Variants in SMARCAL1 observed in about 807,000 individuals in gnomAD.
SMARCAL1 encodes ATP-driven annealing helicase.
A neutral mutation model predicts 94.5 loss-of-function variants in SMARCAL1; 58 were observed. That is an observed-to-expected ratio of 0.61 (90% confidence interval 0.50 to 0.76). SMARCAL1 has a LOEUF of 0.76. Ranked by LOEUF, SMARCAL1 falls within the 30% of genes least tolerant of loss-of-function variation. The probability of loss-of-function intolerance (pLI) is 0.00; values close to 1 mark genes in which losing one functional copy is unlikely to be tolerated. For missense variants in SMARCAL1, 1,051 were observed against 1,177.9 expected, an observed-to-expected ratio of 0.89 and a Z score of 1.58; for synonymous variants, 422 against 455.1, an observed-to-expected ratio of 0.93 and a Z score of 0.93.
chr2:216,437,304 ACTC>A (rs1694101126), intron 9 of SMARCAL1, among the ~76,000 whole-genome samples: 1 of 151,940 alleles, frequency 6.6e-6, no homozygotes, highest in Non-Finnish European at 1.5e-5. Context: ...TGACCGTAAC[ACTC>A]CAGCTTTCTG....
intron 12 of SMARCAL1, among the ~76,000 whole-genome samples, chr2:216,452,152 T>C (rs1694463711): frequency 6.6e-6 from 1 of 152,200 alleles, no homozygotes; most frequent in Non-Finnish European, 1.5e-5. Context: ...ATCTCTTTAT[T>C]GTGGAGTTTT....
At chr2:216,422,889 T>C (rs1449588708) in intron 5 of SMARCAL1, among the ~76,000 whole-genome samples, 3 of 152,250 alleles carry the variant, frequency 2.0e-5, no homozygotes, top group Non-Finnish European at 4.4e-5. Context: ...TTAGTTGATA[T>C]TGTGTGTAAT....
chr2:216,478,064 G>A (rs1695126821), intron 16 of SMARCAL1, 139 bp from the exon 17 acceptor site: 1 of 791,954 alleles, frequency 1.3e-6, no homozygotes. Flanking sequence ...CAAGATGGGT[G>A]TTTGCACCTT....
chr2:216,475,345 C>A lies in SMARCAL1; in HGVS notation c.2321C>A (p.Ser774Ter), dbSNP rs149425324. 2.5e-6 allele frequency: 4 copies of A among 1,614,188 alleles called. No individual in the cohort carries two copies. The highest frequency in any genetic ancestry group is 3.4e-6 in the Non-Finnish European group (4 of 1,180,028). The change falls in exon 15 of 18, where the codon TCG (serine) becomes TAG (stop). Residue 774 changes from serine to a stop codon, truncating the protein, a stop_gained. Transcript: ENST00000357276. LOFTEE classifies it high-confidence loss of function. The surrounding 1 kb of genome is among the most constrained non-coding windows in gnomAD (Gnocchi z 4.4). Reference protein sequence around the residue: ...REDLCQQFQLSERHAVAVLSI... With the variant: ...REDLCQQFQL ...GACCTGTGCCAGCAGTTCCAACTGT[C>A]GGAGAGGCATGCTGTGGCCGTGCTG...
chr2:216,432,705 T>C lies in SMARCAL1; in HGVS notation c.1335-13T>C. On this transcript the variant is annotated splice_polypyrimidine_tract_variant and intron_variant, in intron 7 of 17. Transcript: ENST00000357276. ...CCCGGGAAATGTGCCATCCTCACCTTGTCTGCCTTCAGTTTTGCCATAGCC... is the reference window on the plus strand; with the variant it reads ...CCCGGGAAATGTGCCATCCTCACCTCGTCTGCCTTCAGTTTTGCCATAGCC... 6.2e-7 allele frequency: 1 copy of C among 1,614,068 alleles called. No individual in the cohort carries two copies. Among genetic ancestry groups the C allele is most frequent in the Middle Eastern group, 1.7e-4 (1 of 6,044 alleles).
chr2:216,459,759 C>T (rs947572856), intron 12 of SMARCAL1, among the ~76,000 whole-genome samples: 2 of 151,902 alleles, frequency 1.3e-5, no homozygotes, highest in Non-Finnish European at 2.9e-5. Flanking sequence ...CAATACCATT[C>T]AGGACATAGG....
chr2:216,464,731 T>C (rs1258680290), intron 13 of SMARCAL1, 64 bp downstream of exon 13: 1 of 1,084,550 alleles, frequency 9.2e-7, no homozygotes, highest in Non-Finnish European at 1.4e-6. Context: ...AAACAACTTA[T>C]TACTTTATTC....
In SMARCAL1 at chr2:216,414,734, GA is replaced by G; in HGVS notation, c.35del (p.Lys12ArgfsTer54). On this transcript the variant is annotated frameshift_variant, in exon 3 of 18. Transcript: ENST00000357276. LOFTEE classifies it high-confidence loss of function. Reference protein sequence around the residue: MSLPLTEEQRKKIEENRQKAL... With the variant: MSLPLTEEQRXKIEENRQKAL... ...CCTTGCCTCTTACAGAGGAGCAGAG[GA>G]AAAAGATTGAAGAGAATCGACAAAA... 2 of 1,614,188 alleles carry G rather than the reference GA, an allele frequency of 1.2e-6. No individual in the cohort carries two copies. The highest frequency in any genetic ancestry group is 1.7e-6 in the Non-Finnish European group (2 of 1,180,038).
chr2:216,476,825 C>T (rs997616820), intron 15 of SMARCAL1, among the ~76,000 whole-genome samples: 6 of 152,238 alleles, frequency 3.9e-5, no homozygotes, highest in Non-Finnish European at 8.8e-5. Flanking sequence ...TTTGCAGCAC[C>T]TAGCTCAGTG....
rs1458110033 is a variant in SMARCAL1, at chr2:216,457,036, T to C, written c.2070+5972T>C. The stretch of plus-strand genomic sequence containing the variant: ...ATAGAAAACAAAAAAAGGCAGGGGT[T>C]GCAATCCTAGTCTCTAATAAAACAG... On this transcript the variant is annotated intron_variant, in intron 12 of 17. Coordinates refer to ENST00000357276, the MANE Select transcript of SMARCAL1 (RefSeq NM_014140.4). 2.0e-5 allele frequency among the ~76,000 whole-genome samples: 3 copies of C among 152,162 alleles called. No homozygotes were observed. The East Asian group carries it at 5.8e-4, about 29-fold the overall frequency.
chr2:216,436,718 G>A (rs1446578814), intron 9 of SMARCAL1, among the ~76,000 whole-genome samples: 2 of 152,228 alleles, frequency 1.3e-5, no homozygotes, highest in Non-Finnish European at 2.9e-5. Flanking sequence ...GCTCTACAGT[G>A]TGTGGGAAGA....
chr2:216,440,789 G>A (rs1694183656), intron 10 of SMARCAL1, among the ~76,000 whole-genome samples: 1 of 152,036 alleles, frequency 6.6e-6, no homozygotes, highest in South Asian at 2.1e-4. Context: ...TCTGTTGTTG[G>A]GGGGCTGTTG....
intron 11 of SMARCAL1, 88 bp downstream of exon 11, chr2:216,447,246 A>G (rs752664535): frequency 4.0e-6 from 6 of 1,511,626 alleles, no homozygotes; most frequent in Non-Finnish European, 5.5e-6. Flanking sequence ...TGGCCATGAT[A>G]TGGTCAGAAG....
At chr2:216,464,708 TC>T in intron 13 of SMARCAL1, 41 bp downstream of exon 13, 19 of 1,055,612 alleles carry the variant, frequency 1.8e-5, no homozygotes, top group Admixed American at 8.2e-5. Flanking sequence ...TCTCTCATCT[TC>T]AAAAAAAAAA....
At chr2:216,477,499 T>C (rs1202035113) in intron 16 of SMARCAL1, among the ~76,000 whole-genome samples, 1 of 152,264 alleles carries the variant, frequency 6.6e-6, no homozygotes, top group Admixed American at 6.5e-5. Context: ...TGACAAAATA[T>C]AGATGGAATT....
intron 10 of SMARCAL1, among the ~76,000 whole-genome samples, chr2:216,442,978 G>A (rs77719634): frequency 4.6e-5 from 7 of 151,992 alleles, no homozygotes; most frequent in Non-Finnish European, 1.0e-4. Flanking sequence ...CCTGAGGTCC[G>A]GCCATTCTCA....
In SMARCAL1 at chr2:216,447,139, G is replaced by T. The variant is rs753996369; in HGVS notation, c.1832G>T (p.Arg611Leu). The T allele has an allele frequency of 6.2e-7, 1 of 1,613,800 alleles. No individual in the cohort carries two copies. ...FFPQFHAFGL[R>L]YCDAKRMPWG... ...CCCCAGTTTCATGCCTTTGGACTTCGCTACTGTGATGCCAAACGGGTATGT... is the reference window on the plus strand; with the variant it reads ...CCCCAGTTTCATGCCTTTGGACTTCTCTACTGTGATGCCAAACGGGTATGT... Residue 611 changes from arginine to leucine, a missense_variant, in exon 11 of 18, where the codon CGC (arginine) becomes CTC (leucine). By Grantham distance (102) the Arg-to-Leu change is moderately radical (BLOSUM62 -2). Transcript: ENST00000357276.
Position 216,416,243 on chromosome 2 carries a change from C to T in SMARCAL1, c.812-14C>T. 1 of 1,612,784 alleles carries T rather than the reference C, an allele frequency of 6.2e-7. No homozygotes were observed. Among genetic ancestry groups the T allele is most frequent in the Non-Finnish European group, 8.5e-7 (1 of 1,178,862 alleles). On this transcript the variant is annotated splice_polypyrimidine_tract_variant and intron_variant, in intron 3 of 17. Coordinates refer to ENST00000357276, the MANE Select transcript of SMARCAL1 (RefSeq NM_014140.4). ...CAAATTGTCAACAGTCATCAGTCCT[C>T]TGTTTTGTTTCAGATCCTGACACCA... is the stretch of plus-strand genomic sequence containing the variant.
rs2066514 is a variant in SMARCAL1 at position 216,447,163 on chromosome 2, G to A, written c.1851+5G>A. ...CGCTACTGTGATGCCAAACGGGTAT[G>A]TATTATCTCTTCCCTCCCAGCCCAC... is the stretch of plus-strand genomic sequence containing the variant. On this transcript the variant is annotated splice_donor_5th_base_variant and intron_variant, in intron 11 of 17. Transcript: ENST00000357276. 675 of 1,613,934 alleles carry A rather than the reference G, an allele frequency of 4.2e-4. 2 individuals are homozygous for A. The highest frequency in any genetic ancestry group is 3.3e-3 in the African/African-American group (244 of 74,996).
Sources: gnomAD v4.1 joint callset for allele counts (sites outside exome capture counted in the v4.1 genomes callset) on GRCh38, gnomAD v4.1.1 for gene constraint, Gnocchi (gnomAD v3.1) non-coding constraint, MANE v1.5 for transcripts, NCBI Gene and HGNC (gene_info 2026-07-23, HGNC 2026-07-21) for gene names.